The following LRGUK variants were observed in gnomAD, a reference collection of about 807,000 sequenced individuals.
The protein encoded by LRGUK is leucine-rich repeat and guanylate kinase domain-containing protein.
In LRGUK, 65 loss-of-function variants were observed where a neutral mutation model predicts 76.0. The ratio of observed to expected loss-of-function variants is 0.85; its 90% confidence interval spans 0.70 to 1.05. The LOEUF (loss-of-function observed/expected upper bound fraction) is 1.05, where lower values mean the gene tolerates loss of function less well. Ranked by LOEUF, LRGUK falls within the 50% of genes least tolerant of loss-of-function variation. The pLI, the probability that LRGUK is intolerant of heterozygous loss-of-function variation, is 0.00. For synonymous variants in LRGUK, 268 were observed against 265.6 expected (o/e 1.01, Z -0.09); for missense variants, 758 against 732.8 (o/e 1.03, Z -0.40).
chr7:134,175,050 A>G (rs766778414), intron 8 of LRGUK, among the ~76,000 whole-genome samples: 77 of 152,214 alleles, frequency 5.1e-4, no homozygotes, highest in Non-Finnish European at 8.5e-4. Flanking sequence ...ATAACAGGGG[A>G]AAGAAAATCT....
At chr7:134,193,995 A>G (rs1378716118) in intron 12 of LRGUK, among the ~76,000 whole-genome samples, 1 of 151,870 alleles carries the variant, frequency 6.6e-6, no homozygotes, top group Non-Finnish European at 1.5e-5. Flanking sequence ...TCCCCCTAAC[A>G]TGCCCACAGA....
chr7:134,264,019 C>T (rs1392085626), exon 20 of LRGUK: 1 of 1,563,070 alleles, frequency 6.4e-7, no homozygotes, highest in African/African-American at 1.4e-5. Flanking sequence ...ACCTGCTCTG[C>T]TGATGTCGAA....
intron 18 of LRGUK, among the ~76,000 whole-genome samples, chr7:134,250,037 T>C (rs2117210300): frequency 6.6e-6 from 1 of 152,124 alleles, no homozygotes; most frequent in South Asian, 2.1e-4. Flanking sequence ...GTCAGACCAG[T>C]GACAGCGAAC....
chr7:134,207,015 T>C (rs1801036630), intron 15 of LRGUK, among the ~76,000 whole-genome samples: 2 of 152,210 alleles, frequency 1.3e-5, no homozygotes, highest in Non-Finnish European at 1.5e-5. Context: ...ATGTCAATTG[T>C]TAAATTGTAA....
chr7:134,165,383 A>G (rs939506999), intron 7 of LRGUK, among the ~76,000 whole-genome samples: 3 of 152,162 alleles, frequency 2.0e-5, no homozygotes, highest in Non-Finnish European at 2.9e-5. Flanking sequence ...TCCGGTTTCA[A>G]TGTTCTTAAC....
chr7:134,168,105 C>T (rs2116953064), intron 7 of LRGUK, among the ~76,000 whole-genome samples: 2 of 152,180 alleles, frequency 1.3e-5, no homozygotes, highest in Middle Eastern at 6.8e-3. Flanking sequence ...CATCTGTAAT[C>T]CTGGAGCTTT....
intron 17 of LRGUK, among the ~76,000 whole-genome samples, chr7:134,248,615 AT>A (rs1405620637): frequency 6.6e-6 from 1 of 152,224 alleles, no homozygotes; most frequent in Non-Finnish European, 1.5e-5. Context: ...GAAAACACCT[AT>A]TTTTAACTTT....
chr7:134,139,457 A>G (rs893498912), exon 3 of LRGUK: 1 of 1,610,002 alleles, frequency 6.2e-7, no homozygotes, highest in African/African-American at 1.3e-5. Context: ...AATTGATGTT[A>G]GCATTCTCTG....
At chr7:134,273,413 A>G in the LRGUK span, among the ~76,000 whole-genome samples, 1 of 152,154 alleles carries the variant, frequency 6.6e-6, no homozygotes, top group South Asian at 2.1e-4. Context: ...CCTTGTGTGC[A>G]TAACAGACTC....
At chr7:134,190,583 A>T (rs1800161782) in intron 11 of LRGUK, among the ~76,000 whole-genome samples, 1 of 152,246 alleles carries the variant, frequency 6.6e-6, no homozygotes, top group African/African-American at 2.4e-5. Context: ...GGAAGGCAGA[A>T]TTATATGAAC....
At chr7:134,178,664 C>G (rs1260191370) in intron 10 of LRGUK, 55 bp downstream of exon 10, 23 of 1,373,832 alleles carry the variant, frequency 1.7e-5, no homozygotes, top group Non-Finnish European at 2.4e-5. Flanking sequence ...AAAAGACAGC[C>G]TCATCACTTC....
At chr7:134,150,316 G>T (rs867852092) in intron 5 of LRGUK, among the ~76,000 whole-genome samples, 2 of 151,324 alleles carry the variant, frequency 1.3e-5, no homozygotes, top group Non-Finnish European at 1.5e-5. Context: ...AAAAAAATTA[G>T]CTGGGCCTGA....
intron 7 of LRGUK, among the ~76,000 whole-genome samples, chr7:134,173,678 AT>A (rs1458211998): frequency 2.6e-5 from 4 of 152,180 alleles, no homozygotes; most frequent in Non-Finnish European, 5.9e-5. Flanking sequence ...AGAAAAGTAT[AT>A]AAAACATAAG....
At chr7:134,246,083 C>T (rs912190736) in intron 16 of LRGUK, among the ~76,000 whole-genome samples, 5 of 152,148 alleles carry the variant, frequency 3.3e-5, no homozygotes, top group African/African-American at 9.7e-5. Flanking sequence ...AGTGAGCCCA[C>T]GTTAGCGCTC....
chr7:134,202,496 C>T (rs533471382), intron 15 of LRGUK, among the ~76,000 whole-genome samples: 56 of 152,046 alleles, frequency 3.7e-4, no homozygotes, highest in Non-Finnish European at 7.6e-4. Flanking sequence ...TGATCTACCT[C>T]CAAAAGAATT....
chr7:134,210,250 A>G (rs1243367206), exon 16 of LRGUK: 4 of 398,912 alleles, frequency 1.0e-5, no homozygotes, highest in Non-Finnish European at 1.8e-5. Context: ...TTTCTTGTCT[A>G]AGCTAGTATT....
exon 12 of LRGUK, chr7:134,191,692 G>A (rs773908835): frequency 1.9e-6 from 3 of 1,613,150 alleles, no homozygotes; most frequent in East Asian, 4.5e-5. Flanking sequence ...CTTTGGAGAA[G>A]GGGATCGAGT....
chr7:134,163,998 G>A (rs932056339), intron 7 of LRGUK, among the ~76,000 whole-genome samples: 1 of 152,080 alleles, frequency 6.6e-6, no homozygotes, highest in African/African-American at 2.4e-5. Flanking sequence ...CAACATTTTG[G>A]TTACATAAGG....
chr7:134,245,393 T>C lies in LRGUK; in HGVS notation c.1984-2163T>C, dbSNP rs190597196. Among the ~76,000 whole-genome samples, 29 of 152,248 alleles carry C rather than the reference T, an allele frequency of 1.9e-4. No homozygotes were observed. In the East Asian group the frequency reaches 5.6e-3, roughly 29 times the overall value. On this transcript the variant is annotated intron_variant, in intron 16 of 19. Transcript: ENST00000285928. ...TCTTTCAGTCACCATGCTGCTTCCT[T>C]CAGCTTCCTTCTGCATAAACACTCA...
Sources: allele counts gnomAD v4.1 joint callset (sites outside exome capture counted in the v4.1 genomes callset), GRCh38; gene constraint gnomAD v4.1.1; transcripts MANE v1.5; gene names NCBI Gene and HGNC (gene_info 2026-07-23, HGNC 2026-07-21).